Variants in GPHN observed in about 807,000 individuals in gnomAD.
GPHN encodes the protein gephyrin.
Under a neutral mutation model 95.5 loss-of-function variants are expected in GPHN, and 17 were observed. That is an observed-to-expected ratio of 0.18 (90% confidence interval 0.12 to 0.27). GPHN has a LOEUF of 0.27. GPHN is among the 10% of genes least tolerant of loss of function. GPHN has a pLI of 1.00. For missense variants in GPHN, 660 were observed against 978.1 expected, an observed-to-expected ratio of 0.67 and a Z score of 4.34; for synonymous variants, 320 against 322.5, an observed-to-expected ratio of 0.99 and a Z score of 0.08.
At chr14:67,338,227 C>A in the GPHN span, 12 of 157,038 alleles carry the variant, frequency 7.6e-5, no homozygotes, top group African/African-American at 2.9e-4. Context: ...CTGCAGCAAT[C>A]TCAGACAACA....
At chr14:66,754,042 A>G (rs2058470013) in intron 2 of GPHN, among the ~76,000 whole-genome samples, 1 of 152,024 alleles carries the variant, frequency 6.6e-6, no homozygotes, top group South Asian at 2.1e-4. Context: ...ATGTTTTAGT[A>G]GTTCTTTTTT....
At chr14:66,724,906 G>C (rs2071080573) in intron 2 of GPHN, among the ~76,000 whole-genome samples, 1 of 152,078 alleles carries the variant, frequency 6.6e-6, no homozygotes, top group South Asian at 2.1e-4. Flanking sequence ...TAATATCAGG[G>C]TACCTGATAT....
At chr14:66,567,366 T>A (rs2060501731) in intron 1 of GPHN, among the ~76,000 whole-genome samples, 2 of 152,198 alleles carry the variant, frequency 1.3e-5, no homozygotes, top group South Asian at 4.1e-4. Context: ...AATACTGAAT[T>A]ACTTTCATCT....
chr14:67,273,313 C>T, the GPHN span, among the ~76,000 whole-genome samples: 1 of 151,882 alleles, frequency 6.6e-6, no homozygotes, highest in Non-Finnish European at 1.5e-5. Flanking sequence ...TGATGTTCCC[C>T]ACCCTGTGTC....
At chr14:67,176,567 G>A (rs1222080538) in intron 21 of GPHN, among the ~76,000 whole-genome samples, 1 of 152,128 alleles carries the variant, frequency 6.6e-6, no homozygotes, top group South Asian at 2.1e-4. Context: ...CCAGGCTTTG[G>A]TATCAGGATG....
chr14:66,680,965 A>G, intron 1 of GPHN, 142 bp from the exon 2 acceptor site: 1 of 624,290 alleles, frequency 1.6e-6, no homozygotes, highest in Non-Finnish European at 2.8e-6. Flanking sequence ...CACCAGGCCT[A>G]TAAATAAATC....
intron 6 of GPHN, among the ~76,000 whole-genome samples, chr14:66,922,088 G>T (rs1394031681): frequency 6.6e-6 from 1 of 151,926 alleles, no homozygotes; most frequent in East Asian, 1.9e-4. Context: ...TTAAACCTAA[G>T]ACCTAAAACT....
chr14:66,539,804 A>C (rs2059288904), intron 1 of GPHN, among the ~76,000 whole-genome samples: 1 of 152,128 alleles, frequency 6.6e-6, no homozygotes, highest in Non-Finnish European at 1.5e-5. Flanking sequence ...AAATGCTCCC[A>C]GGAAATAAAA....
the GPHN span, among the ~76,000 whole-genome samples, chr14:67,398,398 A>C: frequency 2.0e-4 from 30 of 152,114 alleles, no homozygotes; most frequent in Non-Finnish European, 3.1e-4. Flanking sequence ...TGATTTTTCT[A>C]GAAATAGGCT....
chr14:67,600,556 G>C, the GPHN span, among the ~76,000 whole-genome samples: 1 of 152,274 alleles, frequency 6.6e-6, no homozygotes, highest in East Asian at 1.9e-4. Flanking sequence ...CGGAGATCAT[G>C]CCCCTGCTCT....
At chr14:67,370,034 C>T in the GPHN span, among the ~76,000 whole-genome samples, 75 of 152,310 alleles carry the variant, frequency 4.9e-4, no homozygotes, top group African/African-American at 1.7e-3. Flanking sequence ...TCTATAGATA[C>T]TAAATTAACT....
intron 9 of GPHN, among the ~76,000 whole-genome samples, chr14:67,015,279 A>G (rs918243521): frequency 6.6e-6 from 1 of 152,232 alleles, no homozygotes; most frequent in South Asian, 2.1e-4. Flanking sequence ...GTGGAATTTA[A>G]CAATGAAAAT....
At chr14:67,208,822 A>G in the GPHN span, among the ~76,000 whole-genome samples, 11 of 151,592 alleles carry the variant, frequency 7.3e-5, no homozygotes, top group Admixed American at 2.0e-4. Flanking sequence ...GCTTGAACTC[A>G]GAAGGCAGAG....
chr14:67,067,561 T>C (rs938874304), intron 11 of GPHN, among the ~76,000 whole-genome samples: 1 of 152,190 alleles, frequency 6.6e-6, no homozygotes, highest in Non-Finnish European at 1.5e-5. Flanking sequence ...CCCACAAAGG[T>C]GGAGTCTGTA....
chr14:66,878,015 A>G (rs1368755345), intron 4 of GPHN, among the ~76,000 whole-genome samples: 7 of 152,238 alleles, frequency 4.6e-5, no homozygotes, highest in Non-Finnish European at 1.0e-4. Context: ...TGGTACTAGT[A>G]CCAAAACAGA....
downstream of GPHN, among the ~76,000 whole-genome samples, chr14:67,185,200 G>T (rs113847060): frequency 6.6e-6 from 1 of 152,122 alleles, no homozygotes; most frequent in Non-Finnish European, 1.5e-5. Context: ...AGATTTGTTC[G>T]TGGGTTTTGA....
At chr14:67,186,737 C>G (rs1033058786), downstream of GPHN, among the ~76,000 whole-genome samples, 1 of 152,232 alleles carries the variant, frequency 6.6e-6, no homozygotes, top group Non-Finnish European at 1.5e-5. Flanking sequence ...CAAGTCTCTT[C>G]TTCCCTCCTA....
At chr14:66,648,128 C>A (rs1476352941) in intron 1 of GPHN, among the ~76,000 whole-genome samples, 2 of 152,110 alleles carry the variant, frequency 1.3e-5, no homozygotes, top group African/African-American at 4.8e-5. Flanking sequence ...TAACTGTGTT[C>A]ACTTGGAGAT....
intron 12 of GPHN, among the ~76,000 whole-genome samples, 171 bp downstream of exon 12, chr14:67,089,246 G>C (rs546729805): frequency 2.1e-5 from 3 of 142,052 alleles, no homozygotes; most frequent in African/African-American, 7.7e-5. Context: ...AGATAACCAT[G>C]TTAATCTGCA....
Sources: allele counts gnomAD v4.1 joint callset (sites outside exome capture counted in the v4.1 genomes callset), GRCh38; gene constraint gnomAD v4.1.1; transcripts MANE v1.5; gene names NCBI Gene and HGNC (gene_info 2026-07-23, HGNC 2026-07-21).